Variants in DNAJA3 observed in about 807,000 individuals in gnomAD.
DNAJA3 encodes the protein dnaJ homolog subfamily A member 3, mitochondrial.
Under a neutral mutation model 54.9 loss-of-function variants are expected in DNAJA3, and 29 were observed. The ratio of observed to expected loss-of-function variants is 0.53; its 90% CI spans 0.39 to 0.72. The LOEUF (loss-of-function observed/expected upper bound fraction) is 0.72, where lower values mean the gene tolerates loss of function less well. DNAJA3 is among the 30% of genes least tolerant of loss of function. The probability of loss-of-function intolerance (pLI) is 0.00; values close to 1 mark genes in which losing one functional copy is unlikely to be tolerated. For missense variants in DNAJA3, 708 were observed against 639.4 expected (o/e 1.11, Z -1.16); for synonymous variants, 302 against 251.4 (o/e 1.20, Z -1.90).
chr16:4,434,497 A>G lies in DNAJA3; in HGVS notation c.325A>G (p.Ile109Val), dbSNP rs747250647. The G allele has an allele frequency of 1.9e-6, 3 of 1,612,728 alleles. No homozygotes were observed. Among genetic ancestry groups the G allele is most frequent in the African/African-American group, 1.3e-5 (1 of 74,936 alleles). ...GVPRNASQKE[I>V]KKAYYQLAKK... Reference sequence around the variant, plus strand: ...GCCTCGAAATGCCAGCCAGAAAGAGATCAAGAAAGCCTATTATCAGGTCTG... The same window carrying G: ...GCCTCGAAATGCCAGCCAGAAAGAGGTCAAGAAAGCCTATTATCAGGTCTG... Residue 109 changes from isoleucine to valine, a missense_variant, in exon 2 of 12, where the codon ATC (isoleucine) becomes GTC (valine). By Grantham distance (29) the Ile-to-Val change is conservative. Coordinates refer to ENST00000262375, the MANE Select transcript of DNAJA3 (RefSeq NM_005147.6).
chr16:4,448,687 G>T, intron 8 of DNAJA3, 46 bp from the exon 9 acceptor site: 1 of 1,415,458 alleles, frequency 7.1e-7, no homozygotes, highest in African/African-American at 1.4e-5. Flanking sequence ...CTTTTTATTT[G>T]AGCAACTGGG....
chr16:4,442,577 T>C lies in DNAJA3; in HGVS notation c.783+157T>C, dbSNP rs951454347. 11 of 863,040 alleles carry C rather than the reference T, an allele frequency of 1.3e-5. No individual in the cohort carries two copies. In the African/African-American group the frequency reaches 1.6e-4, roughly 12 times the overall value. The allele number at this position is 863,040 out of a possible 1,614,324, so 53.5% of individuals were successfully genotyped here. A position where few individuals can be genotyped will look rare whatever the true frequency, so the allele number is the denominator to read the frequency against. On this transcript the variant is annotated intron_variant, in intron 5 of 11. Transcript: ENST00000262375. ...CCCCGTGACCCTGAGGAGACGAGCC[T>C]GTGCTCCTCTTTCCCTGATACCACA...
At chr16:4,432,422 A>C (rs1467001124) in intron 1 of DNAJA3, among the ~76,000 whole-genome samples, 4 of 149,228 alleles carry the variant, frequency 2.7e-5, no homozygotes, top group African/African-American at 7.4e-5. Context: ...GGCTCACTGC[A>C]ACCTCTGCCC....
Position 4,445,659 on chromosome 16 carries a change from C to T in DNAJA3, c.996+931C>T, listed in dbSNP as rs183284276. ...TCAGACTCCCTGGGCTCAGGTGATCCTCCCACCTCAGCCTCCTGAGTAGCT... is the reference window on the plus strand; with the variant it reads ...TCAGACTCCCTGGGCTCAGGTGATCTTCCCACCTCAGCCTCCTGAGTAGCT... On this transcript the variant is annotated intron_variant, in intron 7 of 11. Coordinates refer to ENST00000262375, the MANE Select transcript of DNAJA3 (RefSeq NM_005147.6). 7.4e-4 allele frequency among the ~76,000 whole-genome samples: 112 copies of T among 152,306 alleles called. 1 individual carries two copies. The highest frequency in any genetic ancestry group is 2.5e-3 in the African/African-American group (105 of 41,566).
intron 8 of DNAJA3, among the ~76,000 whole-genome samples, chr16:4,448,434 C>G (rs1410157327): frequency 6.6e-6 from 1 of 152,134 alleles, no homozygotes; most frequent in East Asian, 1.9e-4. Flanking sequence ...ACCTCCGCCT[C>G]CCGGGTTCAA....
At chr16:4,436,751 T>C (rs1211693878) in intron 2 of DNAJA3, among the ~76,000 whole-genome samples, 1 of 152,090 alleles carries the variant, frequency 6.6e-6, no homozygotes, top group Non-Finnish European at 1.5e-5. Context: ...GGCCAGGCTG[T>C]TCTCAAACTC....
intron 1 of DNAJA3, among the ~76,000 whole-genome samples, chr16:4,426,350 A>G (rs566363976): frequency 1.6e-4 from 25 of 152,272 alleles, no homozygotes; most frequent in Admixed American, 2.6e-4. Flanking sequence ...CCTCTCTGTC[A>G]ACATTTCTGG....
Position 4,455,619 on chromosome 16 carries a change from G to C in DNAJA3, c.*87G>C. 4 of 1,549,364 alleles carry C rather than the reference G, an allele frequency of 2.6e-6. No homozygotes were observed. Among genetic ancestry groups the C allele is most frequent in the Non-Finnish European group, 3.5e-6 (4 of 1,144,894 alleles). On this transcript the variant is annotated 3_prime_UTR_variant, in exon 12 of 12. Transcript: ENST00000262375. ...GGCCAGGGCACCTGGGAGACGGGAGGATTCCAGAACAGCAGCACTGAGCTC... is the reference window on the plus strand; with the variant it reads ...GGCCAGGGCACCTGGGAGACGGGAGCATTCCAGAACAGCAGCACTGAGCTC...
At chr16:4,442,908 C>A in intron 5 of DNAJA3, 109 bp from the exon 6 acceptor site, 3 of 1,273,096 alleles carry the variant, frequency 2.4e-6, no homozygotes, top group Non-Finnish European at 3.3e-6. Flanking sequence ...TGCACATGCA[C>A]ATAAAAAACA....
Position 4,455,701 on chromosome 16 carries a change from C to A in DNAJA3, c.*169C>A. The A allele has an allele frequency of 9.8e-7, 1 of 1,019,022 alleles. No individual in the cohort carries two copies. The highest frequency in any genetic ancestry group is 1.5e-6 in the Non-Finnish European group (1 of 676,000). The allele number at this position is 1,019,022 out of a possible 1,614,324, so 63.1% of individuals were successfully genotyped here. On this transcript the variant is annotated 3_prime_UTR_variant, in exon 12 of 12. Coordinates refer to ENST00000262375, the MANE Select transcript of DNAJA3 (RefSeq NM_005147.6). ...ACAGCAAAATCATGGGACAACACCT[C>A]TCTCCACGGAAAGGTCACAGTGGAC...
At chr16:4,426,130 G>A in intron 1 of DNAJA3, 38 bp downstream of exon 1, 1 of 1,507,624 alleles carries the variant, frequency 6.6e-7, no homozygotes, top group Non-Finnish European at 8.9e-7. Flanking sequence ...GCGGTTTCAG[G>A]GCCTAGAAAA....
Position 4,454,911 on chromosome 16 carries a change from A to T in DNAJA3, c.1440A>T (p.Ser480=), listed in dbSNP as rs749193400. The T allele has an allele frequency of 6.2e-7, 1 of 1,611,132 alleles. No individual in the cohort carries two copies. The highest frequency in any genetic ancestry group is 8.5e-7 in the Non-Finnish European group (1 of 1,177,426). Residue 480 remains serine (S), a synonymous_variant, in exon 11 of 12, where the codon TCA becomes TCT. Coordinates refer to ENST00000262375, the MANE Select transcript of DNAJA3 (RefSeq NM_005147.6). ...CCAAACTTAAGAAAATGTTTACCTC[A>T]TGATATCCCAGCCGAGGTAGGAAAA... ...FLSKLKKMFT[S]
chr16:4,444,809 C>A, intron 7 of DNAJA3, 81 bp downstream of exon 7: 1 of 1,246,640 alleles, frequency 8.0e-7, no homozygotes, highest in Non-Finnish European at 1.2e-6. Flanking sequence ...CCCATGTAAT[C>A]AAAGCTTCAC....
At chr16:4,433,711 C>T (rs1455852787) in intron 1 of DNAJA3, 1 of 152,170 alleles carries the variant, frequency 6.6e-6, no homozygotes, top group Non-Finnish European at 1.5e-5. Context: ...GGTAAGTGCT[C>T]ATGTGGCATA....
intron 1 of DNAJA3, among the ~76,000 whole-genome samples, chr16:4,426,403 C>T (rs1014085955): frequency 1.3e-5 from 2 of 152,214 alleles, no homozygotes; most frequent in African/African-American, 4.8e-5. Flanking sequence ...ATCTCTCCAC[C>T]TTCTAGCCCG....
intron 8 of DNAJA3, chr16:4,447,918 C>T (rs1168261644): frequency 6.6e-6 from 1 of 151,810 alleles, no homozygotes; most frequent in East Asian, 1.9e-4. Context: ...ACCGTATTTC[C>T]CAGGCTGGTC....
rs2057033130 is a variant in DNAJA3, at chr16:4,456,156, T to TC, written c.*627dup. The TC allele has an allele frequency of 6.5e-6, 1 of 154,354 alleles. No individual in the cohort carries two copies. The highest frequency in any genetic ancestry group is 2.4e-5 in the African/African-American group (1 of 41,392). The allele number at this position is 154,354 out of a possible 1,614,324, so 9.6% of individuals were successfully genotyped here. A position where few individuals can be genotyped will look rare whatever the true frequency, so the allele number is the denominator to read the frequency against. ...GGGAGGCACGTAGAGGCCCAGAGAG[T>TC]CCCTGGGGGTTCTGCTCTGACCGTG... On this transcript the variant is annotated 3_prime_UTR_variant, in exon 12 of 12. Transcript: ENST00000262375.
Position 4,454,858 on chromosome 16 carries a change from G to A in DNAJA3, c.1387G>A (p.Ala463Thr). The change falls in exon 11 of 12, where the codon GCT (alanine) becomes ACT (threonine). Residue 463 changes from alanine (A) to threonine (T), a missense_variant. Coordinates refer to ENST00000262375, the MANE Select transcript of DNAJA3 (RefSeq NM_005147.6). ...CGCAGGAAGCAAGGCTAGGCGTGAG[G>A]CTGGGGAGGACGAGGAGGGATTCCT... ...SSAGSKARRE[A>T]GEDEEGFLSK... The A allele has an allele frequency of 6.2e-7, 1 of 1,614,146 alleles. No individual in the cohort carries two copies. The highest frequency in any genetic ancestry group is 8.5e-7 in the Non-Finnish European group (1 of 1,180,002).
In DNAJA3 at chr16:4,455,686, C is replaced by G; in HGVS notation, c.*154C>G. On this transcript the variant is annotated 3_prime_UTR_variant, in exon 12 of 12. Transcript: ENST00000262375. ...TGGACGGCCTTGGCAACAGCAAAAT[C>G]ATGGGACAACACCTCTCTCCACGGA... 1 of 1,120,588 alleles carries G rather than the reference C, an allele frequency of 8.9e-7. No homozygotes were observed. The highest frequency in any genetic ancestry group is 1.3e-6 in the Non-Finnish European group (1 of 760,826). The allele number at this position is 1,120,588 out of a possible 1,614,324, so 69.4% of individuals were successfully genotyped here.
Sources: allele counts gnomAD v4.1 joint callset (sites outside exome capture counted in the v4.1 genomes callset), GRCh38; gene constraint gnomAD v4.1.1; transcripts MANE v1.5; gene names NCBI Gene and HGNC (gene_info 2026-07-23, HGNC 2026-07-21).